Variants in PMPCA observed in about 807,000 individuals in gnomAD.
The protein encoded by PMPCA is mitochondrial-processing peptidase subunit alpha.
PMPCA carries 47 observed loss-of-function variants against 59.3 expected under a neutral mutation model. That is an observed-to-expected ratio of 0.79 (90% CI 0.63 to 1.01). The LOEUF is 1.01. PMPCA is among the 50% of genes least tolerant of loss of function. The probability of loss-of-function intolerance (pLI) is 0.00; values close to 1 mark genes in which losing one functional copy is unlikely to be tolerated. For missense variants in PMPCA, 726 were observed against 704.5 expected (o/e 1.03, Z -0.34); for synonymous variants, 338 against 290.3 (o/e 1.16, Z -1.67).
chr9:136,414,726 C>T lies in PMPCA; in HGVS notation c.532+79C>T. 12 of 857,584 alleles carry T rather than the reference C, an allele frequency of 1.4e-5. No individual in the cohort carries two copies. The South Asian group carries it at 1.5e-4, about 10-fold the overall frequency. 53.1% of individuals were successfully genotyped at this position (857,584 alleles called of 1,614,324 possible). On this transcript the variant is annotated intron_variant, in intron 5 of 12. Coordinates refer to ENST00000371717, the MANE Select transcript of PMPCA (RefSeq NM_015160.3). ...GAAAGGTTTGCAGAAGCCCTGTAGC[C>T]ATGAGGGAGAGCACCATGTAATTGG... is the stretch of plus-strand genomic sequence containing the variant.
At position 136,417,184 on chromosome 9, in the gene PMPCA, T is replaced by G; in HGVS notation, c.867T>G (p.Ser289=). The change falls in exon 7 of 13, where the codon TCT becomes TCG. Residue 289 remains serine, a synonymous_variant. Coordinates refer to ENST00000371717, the MANE Select transcript of PMPCA (RefSeq NM_015160.3). ...CAGAGGCCGTGGATATTGACAGATC[T>G]GTGGCCCAGTACACTGGGGGGATTG... ...GSAEAVDIDR[S]VAQYTGGIAK... 1 of 1,601,584 alleles carries G rather than the reference T, an allele frequency of 6.2e-7. No individual in the cohort carries two copies. The highest frequency in any genetic ancestry group is 1.1e-5 in the South Asian group (1 of 90,402).
Position 136,412,143 on chromosome 9 carries a change from A to G in PMPCA, c.218A>G (p.Asp73Gly). ...TTTGAAACCAAAGTAACCACATTGGATAATGGGCTTCGCGTGGCATCTCAG... is the reference window on the plus strand; with the variant it reads ...TTTGAAACCAAAGTAACCACATTGGGTAATGGGCTTCGCGTGGCATCTCAG... ...EKFETKVTTL[D>G]NGLRVASQNK... Residue 73 changes from aspartate to glycine, a missense_variant, in exon 2 of 13, where the codon GAT (aspartate) becomes GGT (glycine). Asp to Gly is a moderately conservative substitution (Grantham distance 94). Coordinates refer to ENST00000371717, the MANE Select transcript of PMPCA (RefSeq NM_015160.3). The G allele has an allele frequency of 6.2e-7, 1 of 1,613,996 alleles. No individual in the cohort carries two copies. Among genetic ancestry groups the G allele is most frequent in the Non-Finnish European group, 8.5e-7 (1 of 1,179,878 alleles).
At chr9:136,412,960 ATTCCC>A in intron 4 of PMPCA, 68 bp downstream of exon 4, 7 of 935,300 alleles carry the variant, frequency 7.5e-6, no homozygotes, top group Non-Finnish European at 1.2e-5. Context: ...CGTTGCTCAG[ATTCCC>A]TCTGAGCCCC....
chr9:136,423,011 C>T (rs557950980), intron 12 of PMPCA, 84 bp from the exon 13 acceptor site: 314 of 1,500,474 alleles, frequency 2.1e-4, no homozygotes, highest in East Asian at 1.5e-3. Context: ...ACAGACCAGC[C>T]GCCCCCTCCG....
In PMPCA at chr9:136,412,488, A is replaced by C; in HGVS notation, c.275-2A>C. 1 of 1,462,960 alleles carries C rather than the reference A, an allele frequency of 6.8e-7. No individual in the cohort carries two copies. Among genetic ancestry groups the C allele is most frequent in the Non-Finnish European group, 9.5e-7 (1 of 1,054,838 alleles). The allele number at this position is 1,462,960 out of a possible 1,614,324, so 90.6% of individuals were successfully genotyped here. On this transcript the variant is annotated splice_acceptor_variant, in intron 2 of 12. Coordinates refer to ENST00000371717, the MANE Select transcript of PMPCA (RefSeq NM_015160.3). LOFTEE classifies it high-confidence loss of function. The stretch of plus-strand genomic sequence containing the variant: ...ACCTGTCAATTTTCTTTTTACTACT[A>C]GTTCTTATCAATTCAGGATCGAGAT...
rs756534429 is a variant in PMPCA, at chr9:136,423,162, C to T, written c.1476C>T (p.Ala492=). Residue 492 remains alanine, a synonymous_variant, in exon 13 of 13, where the codon GCC becomes GCT. Transcript: ENST00000371717. ...TGCTCCGAGGGAAGCCGGCAGTGGC[C>T]GCCCTGGGTGACCTGACTGACCTGC... ...SKMLRGKPAV[A]ALGDLTDLPT... The T allele has an allele frequency of 1.5e-5, 24 of 1,613,670 alleles. No homozygotes were observed. The highest frequency in any genetic ancestry group is 2.2e-5 in the East Asian group (1 of 44,898).
intron 8 of PMPCA, 40 bp from the exon 9 acceptor site, chr9:136,418,515 G>C (rs764824410): frequency 6.3e-6 from 8 of 1,268,922 alleles, no homozygotes; most frequent in African/African-American, 1.5e-5. Flanking sequence ...TCCTGACGTG[G>C]CGTGGGTGGT....
At position 136,423,260 on chromosome 9, in the gene PMPCA, G is replaced by T; in HGVS notation, c.1574G>T (p.Arg525Leu). Residue 525 changes from arginine (R) to leucine (L), a missense_variant, in exon 13 of 13, where the codon CGG becomes CTG. Transcript: ENST00000371717. ...GRLPRTYRLF[R>L] ...CTGCCCAGGACGTACCGGCTCTTCCGGTAGAACCGCTCCCCGGCCTGACAG... is the reference window on the plus strand; with the variant it reads ...CTGCCCAGGACGTACCGGCTCTTCCTGTAGAACCGCTCCCCGGCCTGACAG... 1 of 1,610,850 alleles carries T rather than the reference G, an allele frequency of 6.2e-7. No individual in the cohort carries two copies.
chr9:136,416,045 T>TA, intron 5 of PMPCA: 1 of 576,996 alleles, frequency 1.7e-6, no homozygotes, highest in Non-Finnish European at 3.1e-6. Flanking sequence ...AGCCAGGGCT[T>TA]AGCAGGCTCA....
chr9:136,417,281 G>A, intron 7 of PMPCA, 67 bp downstream of exon 7: 2 of 1,362,846 alleles, frequency 1.5e-6, no homozygotes, highest in Non-Finnish European at 2.0e-6. Flanking sequence ...GGTGTGACCT[G>A]TTTTTGTATT....
At chr9:136,410,769 T>C in intron 1 of PMPCA, 30 bp downstream of exon 1, 1 of 1,385,594 alleles carries the variant, frequency 7.2e-7, no homozygotes, top group Non-Finnish European at 9.3e-7. Context: ...GGCTTCGGCC[T>C]GGGGCGGGGG....
In PMPCA at chr9:136,421,796, C is replaced by T. The variant is rs370064773; in HGVS notation, c.1264-36C>T. On this transcript the variant is annotated intron_variant, in intron 11 of 12. Coordinates refer to ENST00000371717, the MANE Select transcript of PMPCA (RefSeq NM_015160.3). ...GTGGGGGGTGGAAGGTGGCACGGGG[C>T]GGGTGTGTGCTCACCTGACTGGACC... 45 of 1,544,768 alleles carry T rather than the reference C, an allele frequency of 2.9e-5. No homozygotes were observed. The African/African-American group carries it at 4.9e-4, about 17-fold the overall frequency.
At chr9:136,422,005 G>A (rs1186652324) in intron 12 of PMPCA, 29 bp downstream of exon 12, 1 of 1,589,342 alleles carries the variant, frequency 6.3e-7, no homozygotes. Context: ...GTGAGGGGCT[G>A]CCGCAGGCCT....
At chr9:136,422,867 A>C in intron 12 of PMPCA, 1 of 1,362,550 alleles carries the variant, frequency 7.3e-7, no homozygotes. Flanking sequence ...TTTGTCCTAT[A>C]TTTTTAAGTC....
chr9:136,416,548 C>A (rs970653286), intron 6 of PMPCA, 157 bp downstream of exon 6: 1 of 686,306 alleles, frequency 1.5e-6, no homozygotes, highest in Non-Finnish European at 2.7e-6. Flanking sequence ...CTCCACATTG[C>A]CTACGCTGGT....
At chr9:136,420,001 T>TA in intron 11 of PMPCA, 1 of 151,760 alleles carries the variant, frequency 6.6e-6, no homozygotes, top group East Asian at 2.0e-4. Context: ...CTTTTTTTTT[T>TA]TTTTAGACAG....
chr9:136,422,676 C>T, intron 12 of PMPCA: 1 of 1,014,132 alleles, frequency 9.9e-7, no homozygotes, highest in Non-Finnish European at 1.2e-6. Context: ...GAAAACAGAC[C>T]CACCTGGACC....
chr9:136,422,186 C>T (rs1263352565), intron 12 of PMPCA: 1 of 1,511,882 alleles, frequency 6.6e-7, no homozygotes, highest in East Asian at 2.6e-5. Flanking sequence ...CACCATGCAC[C>T]TGCTGCCTCC....
At chr9:136,417,938 C>T (rs1835328246) in intron 7 of PMPCA, 79 bp from the exon 8 acceptor site, 3 of 1,017,170 alleles carry the variant, frequency 2.9e-6, no homozygotes, top group East Asian at 2.4e-5. Flanking sequence ...TGTAACCACT[C>T]TGAAGATGAT....
Sources: allele counts gnomAD v4.1 joint callset, GRCh38; gene constraint gnomAD v4.1.1; transcripts MANE v1.5; gene names NCBI Gene and HGNC (gene_info 2026-07-23, HGNC 2026-07-21).